The following RBFOX1 variants were observed in gnomAD, a reference collection of about 807,000 sequenced individuals.
RBFOX1 encodes the protein RNA binding protein fox-1 homolog 1.
Under a neutral mutation model 57.7 loss-of-function variants are expected in RBFOX1, and 8 were observed. The ratio of observed to expected loss-of-function variants is 0.14; its 90% CI spans 0.08 to 0.25. RBFOX1 has a LOEUF of 0.25. Among genes scored for constraint, RBFOX1 ranks in the 10% least tolerant of loss-of-function variants. The pLI, the probability that RBFOX1 is intolerant of heterozygous loss-of-function variation, is 1.00. For synonymous variants in RBFOX1, 326 were observed against 222.4 expected (o/e 1.47, Z -4.15); for missense variants, 611 against 548.5 (o/e 1.11, Z -1.14).
chr16:7,060,850 T>C (rs1326945012), intron 4 of RBFOX1, among the ~76,000 whole-genome samples: 1 of 152,212 alleles, frequency 6.6e-6, no homozygotes, highest in Non-Finnish European at 1.5e-5. Flanking sequence ...AGCATTCCTC[T>C]GTAAGCATGA....
chr16:6,934,939 T>A (rs929225042), intron 3 of RBFOX1, among the ~76,000 whole-genome samples: 1 of 151,810 alleles, frequency 6.6e-6, no homozygotes, highest in Non-Finnish European at 1.5e-5. Context: ...TAGAAAAAAA[T>A]TAGCTTGGCC....
chr16:5,351,162 G>A (rs1413899905), intron 1 of RBFOX1, among the ~76,000 whole-genome samples: 1 of 152,192 alleles, frequency 6.6e-6, no homozygotes, highest in Non-Finnish European at 1.5e-5. Context: ...GAGTCAGACT[G>A]TTGACTGTAT....
chr16:6,935,440 T>A (rs1395782454), intron 3 of RBFOX1, among the ~76,000 whole-genome samples: 3 of 152,188 alleles, frequency 2.0e-5, no homozygotes, highest in Admixed American at 1.3e-4. Flanking sequence ...TTCTCTCTCT[T>A]CTTGTCAATT....
At chr16:5,300,318 CA>C (rs1326396929) in intron 1 of RBFOX1, among the ~76,000 whole-genome samples, 1 of 152,040 alleles carries the variant, frequency 6.6e-6, no homozygotes, top group African/African-American at 2.4e-5. Context: ...CATCTCAGGA[CA>C]CAAGGGCATA....
At chr16:6,046,052 A>G (rs933785628) in intron 1 of RBFOX1, among the ~76,000 whole-genome samples, 1 of 152,240 alleles carries the variant, frequency 6.6e-6, no homozygotes, top group African/African-American at 2.4e-5. Flanking sequence ...GTGCTTTTCT[A>G]AGCACCATAG....
chr16:5,943,213 A>G (rs950822532), intron 4 of RBFOX1, among the ~76,000 whole-genome samples: 1 of 152,166 alleles, frequency 6.6e-6, no homozygotes, highest in Non-Finnish European at 1.5e-5. Flanking sequence ...CTGCATTCAC[A>G]TCATCTGGGA....
intron 4 of RBFOX1, among the ~76,000 whole-genome samples, chr16:5,969,998 C>T (rs535962290): frequency 1.4e-4 from 21 of 152,142 alleles, no homozygotes; most frequent in African/African-American, 3.6e-4. Flanking sequence ...GTTCACTCAC[C>T]GTTGGGTTGG....
intron 5 of RBFOX1, among the ~76,000 whole-genome samples, chr16:7,547,709 C>T (rs2084991085): frequency 6.6e-6 from 1 of 152,160 alleles, no homozygotes; most frequent in African/African-American, 2.4e-5. Flanking sequence ...TTTAAGTTTG[C>T]AACTCAGGCA....
At chr16:5,315,114 C>T (rs1013725891) in intron 1 of RBFOX1, among the ~76,000 whole-genome samples, 1 of 152,014 alleles carries the variant, frequency 6.6e-6, no homozygotes, top group African/African-American at 2.4e-5. Context: ...ATGATGGAAC[C>T]ATTTGGAAGA....
chr16:5,754,248 C>T (rs947829694), intron 3 of RBFOX1, among the ~76,000 whole-genome samples: 4 of 152,154 alleles, frequency 2.6e-5, no homozygotes, highest in African/African-American at 7.2e-5. Flanking sequence ...ATAATGGTAC[C>T]TTCCCTGTAA....
chr16:5,884,336 T>A (rs776906164), intron 4 of RBFOX1, among the ~76,000 whole-genome samples: 48 of 152,130 alleles, frequency 3.2e-4, no homozygotes, highest in Non-Finnish European at 5.7e-4. Flanking sequence ...AAAATGATAG[T>A]GTGCTTTTGA....
intron 2 of RBFOX1, among the ~76,000 whole-genome samples, chr16:5,532,793 G>A (rs1368195035): frequency 1.3e-5 from 2 of 152,178 alleles, no homozygotes; most frequent in African/African-American, 4.8e-5. Context: ...AATTGGGGTG[G>A]TGGGTTGTGA....
intron 4 of RBFOX1, among the ~76,000 whole-genome samples, chr16:7,193,512 A>C (rs2152659121): frequency 6.6e-6 from 1 of 152,358 alleles, no homozygotes; most frequent in East Asian, 1.9e-4. Context: ...ACAGGCAAGT[A>C]ATCAATATAA....
chr16:6,400,402 A>G (rs2093020595), intron 2 of RBFOX1, among the ~76,000 whole-genome samples: 1 of 152,208 alleles, frequency 6.6e-6, no homozygotes, highest in Non-Finnish European at 1.5e-5. Context: ...TTTTGGACTG[A>G]ATGATGATAT....
At chr16:6,417,016 C>A (rs912415959) in intron 2 of RBFOX1, among the ~76,000 whole-genome samples, 1 of 151,862 alleles carries the variant, frequency 6.6e-6, no homozygotes, top group East Asian at 1.9e-4. Flanking sequence ...CTCTTTCTTT[C>A]TTTTTATTTT....
chr16:6,132,426 C>T (rs963492972), intron 1 of RBFOX1, among the ~76,000 whole-genome samples: 2 of 152,194 alleles, frequency 1.3e-5, no homozygotes, highest in Admixed American at 1.3e-4. Context: ...CATGAAGCAG[C>T]TTGAATTCCT....
chr16:6,144,878 A>G (rs2096745745), intron 1 of RBFOX1, among the ~76,000 whole-genome samples: 1 of 152,210 alleles, frequency 6.6e-6, no homozygotes, highest in Non-Finnish European at 1.5e-5. Context: ...GCTTGACAGA[A>G]TAGTTTGTCC....
chr16:6,795,358 C>T (rs2083765049), intron 3 of RBFOX1, among the ~76,000 whole-genome samples: 1 of 152,042 alleles, frequency 6.6e-6, no homozygotes, highest in Non-Finnish European at 1.5e-5. Flanking sequence ...TGCATTTCAC[C>T]CGAGTCCACA....
intron 3 of RBFOX1, among the ~76,000 whole-genome samples, chr16:6,778,312 A>G (rs1014452589): frequency 1.7e-4 from 26 of 152,124 alleles, no homozygotes; most frequent in Non-Finnish European, 5.9e-5. Flanking sequence ...GAATAGTAAC[A>G]TGATTCCTCA....
Sources: allele counts gnomAD v4.1 joint callset (sites outside exome capture counted in the v4.1 genomes callset), GRCh38; gene constraint gnomAD v4.1.1; transcripts MANE v1.5; gene names NCBI Gene and HGNC (gene_info 2026-07-23, HGNC 2026-07-21).